Variants in FZD3 observed in about 807,000 individuals in gnomAD.
FZD3 encodes frizzled-3.
A neutral mutation model predicts 60.7 loss-of-function variants in FZD3; 30 were observed. The observed-to-expected ratio is 0.49, with a 90% CI of 0.37 to 0.67. The LOEUF is 0.67. FZD3 is among the 30% of genes least tolerant of loss of function. The pLI, the probability that FZD3 is intolerant of heterozygous loss-of-function variation, is 0.00. For missense variants in FZD3, 605 were observed against 838.7 expected, an observed-to-expected ratio of 0.72 and a Z score of 3.44; for synonymous variants, 246 against 275.2, an observed-to-expected ratio of 0.89 and a Z score of 1.05.
chr8:28,551,780 C>A, intron 6 of FZD3, 29 bp downstream of exon 6: 1 of 1,553,690 alleles, frequency 6.4e-7, no homozygotes, highest in South Asian at 1.2e-5. Context: ...TCACAGTGTT[C>A]ACAAACCTCA....
At chr8:28,495,543 C>T (rs963067733) in intron 1 of FZD3, among the ~76,000 whole-genome samples, 38 of 152,180 alleles carry the variant, frequency 2.5e-4, no homozygotes, top group African/African-American at 6.0e-4. Context: ...CCTTCCCTCA[C>T]CCTCCTTTAG....
intron 7 of FZD3, among the ~76,000 whole-genome samples, chr8:28,558,080 T>C (rs1173481714): frequency 6.6e-6 from 1 of 152,186 alleles, no homozygotes; most frequent in South Asian, 2.1e-4. Flanking sequence ...TGGGTATGGC[T>C]AGAGCATAGA....
intron 7 of FZD3, among the ~76,000 whole-genome samples, chr8:28,556,355 G>A (rs1350364804): frequency 6.6e-6 from 1 of 152,176 alleles, no homozygotes; most frequent in East Asian, 1.9e-4. Flanking sequence ...GAAAGATAGT[G>A]TAGTCAGTTT....
intron 3 of FZD3, among the ~76,000 whole-genome samples, chr8:28,515,871 A>G (rs1012028018): frequency 6.6e-6 from 1 of 152,282 alleles, no homozygotes; most frequent in South Asian, 2.1e-4. Flanking sequence ...CACTGTCCTG[A>G]TAGTGTCCTT....
chr8:28,525,264 A>T (rs1804687640), intron 4 of FZD3, among the ~76,000 whole-genome samples: 1 of 152,188 alleles, frequency 6.6e-6, no homozygotes. Flanking sequence ...ATGGAGTGAA[A>T]ATTCTAATGG....
At position 28,527,176 on chromosome 8, in the gene FZD3, G is replaced by A. The variant is rs749595498; in HGVS notation, c.416G>A (p.Arg139Gln). Residue 139 changes from arginine (R) to glutamine (Q), a missense_variant, in exon 5 of 8, where the codon CGA (arginine) becomes CAA (glutamine). Transcript: ENST00000240093. This position sits in a 1 kb window ranked among gnomAD's most constrained non-coding sequence, Gnocchi z 5.0. ...CCAGATTGTGATGAGCCATATCCTCGACTTGTGGATCTGAATTTAGCTGGA... is the reference window on the plus strand; with the variant it reads ...CCAGATTGTGATGAGCCATATCCTCAACTTGTGGATCTGAATTTAGCTGGA... ...RFPDCDEPYP[R>Q]LVDLNLAGEP... 11 of 1,612,666 alleles carry A rather than the reference G, an allele frequency of 6.8e-6. No individual in the cohort carries two copies. In the African/African-American group the frequency reaches 8.0e-5, roughly 12 times the overall value.
rs1805712645 is a variant in FZD3, at chr8:28,566,789, A to T, written c.*3778A>T. The T allele has an allele frequency of 6.6e-6, 1 of 152,122 alleles. No homozygotes were observed. The allele number at this position is 152,122 out of a possible 1,614,324, so 9.4% of individuals were successfully genotyped here. A position where few individuals can be genotyped will look rare whatever the true frequency, so the allele number is the denominator to read the frequency against. On this transcript the variant is annotated 3_prime_UTR_variant, in exon 8 of 8. Coordinates refer to ENST00000240093, the MANE Select transcript of FZD3 (RefSeq NM_017412.4). The stretch of plus-strand genomic sequence containing the variant: ...GACTTACATAGTCTGGTGTAATGAA[A>T]ATTCCCCTGGGATTGGAATTTTAAG...
At chr8:28,515,534 A>C (rs999752648) in intron 3 of FZD3, among the ~76,000 whole-genome samples, 1 of 152,216 alleles carries the variant, frequency 6.6e-6, no homozygotes, top group South Asian at 2.1e-4. Context: ...CCGCATGCGC[A>C]GTAGCCTGCT....
rs1429631350 is a variant in FZD3 at position 28,527,886 on chromosome 8, C to A, written c.1126C>A (p.Leu376Ile). ...YDVDALRYFVLAPLCLYVVVG... is the reference protein window; with the variant it reads ...YDVDALRYFVIAPLCLYVVVG... ...TGTTGATGCATTGAGATATTTTGTT[C>A]TTGCTCCCCTCTGCCTGTATGTGGT... The change falls in exon 5 of 8, where the codon CTT (leucine) becomes ATT (isoleucine). Residue 376 changes from leucine to isoleucine, a missense_variant. Physicochemically the swap from Leu to Ile is conservative, Grantham distance 5. Transcript: ENST00000240093. This position sits in a 1 kb window ranked among gnomAD's most constrained non-coding sequence, Gnocchi z 5.0. 2 of 1,613,978 alleles carry A rather than the reference C, an allele frequency of 1.2e-6. No homozygotes were observed. Among genetic ancestry groups the A allele is most frequent in the Non-Finnish European group, 1.7e-6 (2 of 1,179,990 alleles).
chr8:28,497,637 C>G (rs1563377873), intron 1 of FZD3, among the ~76,000 whole-genome samples: 1 of 152,204 alleles, frequency 6.6e-6, no homozygotes, highest in Non-Finnish European at 1.5e-5. Context: ...ATGTTACCTG[C>G]ATTTATCAGG....
chr8:28,530,204 G>C (rs1804832212), intron 5 of FZD3, among the ~76,000 whole-genome samples: 1 of 151,194 alleles, frequency 6.6e-6, no homozygotes, highest in South Asian at 2.1e-4. Flanking sequence ...AATAACAAAT[G>C]ATGGTAATAA....
rs531644713 is a variant in FZD3, at chr8:28,543,280, A to G, written c.1405-8323A>G. ...TCTTTACAAATAATTATTTTTCTTC[A>G]GTTAGTCCTTGTTTTCTCACCATTT... On this transcript the variant is annotated intron_variant, in intron 5 of 7. Transcript: ENST00000240093. Among the ~76,000 whole-genome samples, 11 of 151,968 alleles carry G rather than the reference A, an allele frequency of 7.2e-5. No homozygotes were observed. In the East Asian group the frequency reaches 1.9e-3, roughly 27 times the overall value.
intron 6 of FZD3, among the ~76,000 whole-genome samples, chr8:28,554,873 T>C (rs1028643216): frequency 1.3e-5 from 2 of 152,182 alleles, no homozygotes; most frequent in African/African-American, 4.8e-5. Context: ...AGTTTTATTT[T>C]TGAAATGAAA....
intron 5 of FZD3, among the ~76,000 whole-genome samples, chr8:28,549,838 C>T (rs1371609071): frequency 2.0e-5 from 3 of 151,952 alleles, no homozygotes; most frequent in Non-Finnish European, 4.4e-5. Flanking sequence ...ATATGTTTTC[C>T]CTTTGATCTA....
chr8:28,554,022 G>A (rs1585191908), intron 6 of FZD3, among the ~76,000 whole-genome samples: 1 of 152,314 alleles, frequency 6.6e-6, no homozygotes, highest in Non-Finnish European at 1.5e-5. Flanking sequence ...TGACTCCAGA[G>A]CTTTGCTCTT....
chr8:28,527,017 T>A lies in FZD3; in HGVS notation c.387-130T>A, dbSNP rs1804730722. 2.2e-5 allele frequency: 18 copies of A among 808,938 alleles called. No individual in the cohort carries two copies. The South Asian group carries it at 3.1e-4, about 14-fold the overall frequency. The allele number at this position is 808,938 out of a possible 1,614,324, so 50.1% of individuals were successfully genotyped here. ...AAACAAGATATCACCATTTACTTTA[T>A]TTCTACATATTACATTTGCTCTCCA... On this transcript the variant is annotated intron_variant, in intron 4 of 7. Transcript: ENST00000240093. The surrounding 1 kb of genome is among the most constrained non-coding windows in gnomAD (Gnocchi z 5.0).
At chr8:28,556,707 A>G (rs990803989) in intron 7 of FZD3, among the ~76,000 whole-genome samples, 2 of 150,854 alleles carry the variant, frequency 1.3e-5, no homozygotes, top group East Asian at 2.3e-4. Context: ...GTCATAGACA[A>G]TATGTAGTCA....
chr8:28,513,067 C>T (rs1804330595), intron 3 of FZD3, among the ~76,000 whole-genome samples: 1 of 152,066 alleles, frequency 6.6e-6, no homozygotes, highest in African/African-American at 2.4e-5. Flanking sequence ...CCTAAGAAGC[C>T]TGGTGTGAGG....
At chr8:28,497,824 A>G (rs907342423) in intron 1 of FZD3, among the ~76,000 whole-genome samples, 1 of 152,018 alleles carries the variant, frequency 6.6e-6, no homozygotes, top group Admixed American at 6.5e-5. Context: ...TTTCCTCTTC[A>G]CAGTTGCCAC....
Sources: allele counts gnomAD v4.1 joint callset (sites outside exome capture counted in the v4.1 genomes callset), GRCh38; gene constraint gnomAD v4.1.1; non-coding constraint Gnocchi (gnomAD v3.1); transcripts MANE v1.5; gene names NCBI Gene and HGNC (gene_info 2026-07-23, HGNC 2026-07-21).